Variants in ABL1 observed in about 807,000 individuals in gnomAD.
ABL1 encodes tyrosine-protein kinase ABL1.
Under a neutral mutation model 94.7 loss-of-function variants are expected in ABL1, and 11 were observed. The ratio of observed to expected loss-of-function variants is 0.12; its 90% confidence interval spans 0.07 to 0.19. The LOEUF (loss-of-function observed/expected upper bound fraction) is 0.19, where lower values mean the gene tolerates loss of function less well. Among genes scored for constraint, ABL1 ranks in the 10% least tolerant of loss-of-function variants. The probability of loss-of-function intolerance (pLI) is 1.00; values close to 1 mark genes in which losing one functional copy is unlikely to be tolerated. For missense variants in ABL1, 1,082 were observed against 1,489.4 expected (o/e 0.73, Z 4.50); for synonymous variants, 656 against 622.4 (o/e 1.05, Z -0.80).
At chr9:130,844,366 T>C (rs1830724775) in intron 1 of ABL1, among the ~76,000 whole-genome samples, 1 of 152,186 alleles carries the variant, frequency 6.6e-6, no homozygotes, top group Non-Finnish European at 1.5e-5. Flanking sequence ...AGTCCTGATA[T>C]GGGCGTCAAT....
chr9:130,715,846 AT>A (rs1831430301), intron 1 of ABL1, among the ~76,000 whole-genome samples: 2 of 151,960 alleles, frequency 1.3e-5, no homozygotes, highest in African/African-American at 4.8e-5. Flanking sequence ...GGCTAAAACT[AT>A]TTTCTTGTTA....
chr9:130,855,159 T>A (rs1238943023), intron 3 of ABL1, 63 bp downstream of exon 3: 4 of 1,512,596 alleles, frequency 2.6e-6, no homozygotes, highest in South Asian at 1.3e-5. Flanking sequence ...GGTCCTGCTG[T>A]CGGATTGATA....
chr9:130,830,309 C>T (rs1052329522), upstream of ABL1, among the ~76,000 whole-genome samples: 2 of 152,116 alleles, frequency 1.3e-5, no homozygotes, highest in Non-Finnish European at 2.9e-5. Context: ...CCTGGAAATA[C>T]CAACAGAAAA....
chr9:130,854,541 G>A (rs1830943325), intron 2 of ABL1, among the ~76,000 whole-genome samples: 1 of 152,142 alleles, frequency 6.6e-6, no homozygotes, highest in Non-Finnish European at 1.5e-5. Flanking sequence ...CTTATATTAG[G>A]AACAGAGCAC....
At chr9:130,839,893 G>A (rs1830645001) in intron 1 of ABL1, among the ~76,000 whole-genome samples, 2 of 152,140 alleles carry the variant, frequency 1.3e-5, no homozygotes, top group South Asian at 2.1e-4. Context: ...GGCAGCTCCC[G>A]AGCCAGCCAG....
At chr9:130,799,737 T>C (rs1004608892) in intron 1 of ABL1, among the ~76,000 whole-genome samples, 1 of 152,152 alleles carries the variant, frequency 6.6e-6, no homozygotes, top group Non-Finnish European at 1.5e-5. Flanking sequence ...TAATTGAAAT[T>C]TGCCAATAGT....
intron 7 of ABL1, among the ~76,000 whole-genome samples, chr9:130,876,825 C>G (rs1239751402): frequency 7.0e-6 from 1 of 143,622 alleles, no homozygotes; most frequent in Non-Finnish European, 1.5e-5. Flanking sequence ...CAAGCTCCGC[C>G]TTCCGGGTTC....
chr9:130,872,330 C>A lies in ABL1; in HGVS notation c.907+117C>A. On this transcript the variant is annotated intron_variant, in intron 5 of 10. Transcript: ENST00000318560. This position sits in a 1 kb window ranked among gnomAD's most constrained non-coding sequence, Gnocchi z 5.0. ...ACAAAACCTCGTTGGAATATTTGTG[C>A]TCTGCCGACGTTCAGCCGCGGGTAA... 3.2e-6 allele frequency: 3 copies of A among 945,268 alleles called. No individual in the cohort carries two copies. Among genetic ancestry groups the A allele is most frequent in the Admixed American group, 2.4e-5 (1 of 42,106 alleles). The allele number at this position is 945,268 out of a possible 1,614,324, so 58.6% of individuals were successfully genotyped here. A position where few individuals can be genotyped will look rare whatever the true frequency, so the allele number is the denominator to read the frequency against.
At chr9:130,868,441 G>T (rs1011603360) in intron 4 of ABL1, among the ~76,000 whole-genome samples, 3 of 152,090 alleles carry the variant, frequency 2.0e-5, no homozygotes, top group Non-Finnish European at 4.4e-5. Context: ...TCAGGGAGGG[G>T]GTCCCTGCTG....
intron 1 of ABL1, among the ~76,000 whole-genome samples, chr9:130,776,783 G>A (rs1222688190): frequency 6.6e-6 from 1 of 152,012 alleles, no homozygotes; most frequent in Non-Finnish European, 1.5e-5. Flanking sequence ...TTTGAGACGG[G>A]TTCTTCCTAT....
At chr9:130,841,637 C>T (rs1282108380) in intron 1 of ABL1, among the ~76,000 whole-genome samples, 1 of 151,484 alleles carries the variant, frequency 6.6e-6, no homozygotes, top group Non-Finnish European at 1.5e-5. Flanking sequence ...ATGCTGAAAC[C>T]CTGTCTCTAC....
At chr9:130,883,929 G>C (rs1831511454) in intron 10 of ABL1, 40 bp from the exon 11 acceptor site, 9 of 1,568,746 alleles carry the variant, frequency 5.7e-6, no homozygotes, top group Non-Finnish European at 7.8e-6. Context: ...TCAGCCTCTA[G>C]AGTTGTCTGG....
chr9:130,792,413 C>T (rs1829921894), intron 1 of ABL1, among the ~76,000 whole-genome samples: 1 of 152,134 alleles, frequency 6.6e-6, no homozygotes, highest in Non-Finnish European at 1.5e-5. Context: ...TTTCATTCCT[C>T]CTCATCTTGA....
chr9:130,843,571 C>CA, intron 1 of ABL1, among the ~76,000 whole-genome samples: 1 of 152,134 alleles, frequency 6.6e-6, no homozygotes, highest in South Asian at 2.1e-4. Flanking sequence ...AGATTGCTTA[C>CA]TGGGTGATAG....
At chr9:130,865,489 G>A (rs893871515) in intron 4 of ABL1, among the ~76,000 whole-genome samples, 4 of 152,162 alleles carry the variant, frequency 2.6e-5, no homozygotes, top group African/African-American at 9.7e-5. Context: ...GCTTACGCCT[G>A]TAATCCCAGC....
chr9:130,856,504 G>A (rs1047147653), intron 3 of ABL1, among the ~76,000 whole-genome samples: 1 of 152,142 alleles, frequency 6.6e-6, no homozygotes, highest in Non-Finnish European at 1.5e-5. Context: ...TTACAGGCAC[G>A]AGCCACTGTG....
intron 1 of ABL1, among the ~76,000 whole-genome samples, chr9:130,757,536 C>CT (rs11411714): frequency 0.92 from 93,883 of 101,890 alleles, 43,865 homozygotes; most frequent in Middle Eastern, 0.97. Flanking sequence ...TACTCCAGGC[C>CT]TTTTTTTTTT....
At chr9:130,851,766 CTTTTTTTTT>C (rs149948786) in intron 1 of ABL1, among the ~76,000 whole-genome samples, 1 of 122,794 alleles carries the variant, frequency 8.1e-6, no homozygotes, top group Non-Finnish European at 1.7e-5. Context: ...CTCTCTTTTT[CTTTTTTTTT>C]TTTTTTTTTG....
chr9:130,821,193 G>A (rs1444068987), intron 1 of ABL1, among the ~76,000 whole-genome samples: 1 of 152,084 alleles, frequency 6.6e-6, no homozygotes, highest in Non-Finnish European at 1.5e-5. Context: ...GCCTCCCAAA[G>A]TGCTGGGATT....
Sources: allele counts gnomAD v4.1 joint callset (sites outside exome capture counted in the v4.1 genomes callset), GRCh38; gene constraint gnomAD v4.1.1; non-coding constraint Gnocchi (gnomAD v3.1); transcripts MANE v1.5; gene names NCBI Gene and HGNC (gene_info 2026-07-23, HGNC 2026-07-21).